Variants in GPATCH2 observed in about 807,000 individuals in gnomAD.
GPATCH2 encodes G-patch domain containing 2.
In GPATCH2, 51 loss-of-function variants were observed where a neutral mutation model predicts 58.0. The observed-to-expected ratio is 0.88, with a 90% confidence interval of 0.70 to 1.11. The LOEUF (loss-of-function observed/expected upper bound fraction) is 1.11, where lower values mean the gene tolerates loss of function less well. Ranked by LOEUF, GPATCH2 falls within the 50% of genes most tolerant of loss-of-function variation. The pLI is 0.00. For missense variants in GPATCH2, 625 were observed against 652.2 expected, an observed-to-expected ratio of 0.96 and a Z score of 0.45; for synonymous variants, 222 against 218.5, an observed-to-expected ratio of 1.02 and a Z score of -0.14.
At chr1:217,496,830 T>C (rs541484894) in intron 7 of GPATCH2, among the ~76,000 whole-genome samples, 3 of 152,282 alleles carry the variant, frequency 2.0e-5, no homozygotes, top group South Asian at 2.1e-4. Context: ...GTTGACTACA[T>C]AGAACATAAC....
chr1:217,569,452 TGGGAGGCTGAG>T (rs1260408052), intron 5 of GPATCH2, among the ~76,000 whole-genome samples: 3 of 152,018 alleles, frequency 2.0e-5, no homozygotes, highest in Non-Finnish European at 4.4e-5. Flanking sequence ...CACAGCACTT[TGGGAGGCTGAG>T]GCGGGCAGAT....
chr1:217,433,862 T>C (rs1270682723), intron 9 of GPATCH2, among the ~76,000 whole-genome samples: 3 of 152,248 alleles, frequency 2.0e-5, no homozygotes, highest in African/African-American at 7.2e-5. Context: ...TGATTCTCAC[T>C]TGTAGAACAA....
intron 5 of GPATCH2, among the ~76,000 whole-genome samples, chr1:217,587,460 A>G (rs576746311): frequency 1.1e-4 from 17 of 152,240 alleles, no homozygotes; most frequent in Admixed American, 1.1e-3. Flanking sequence ...TAAGATAGAA[A>G]GAGACTGGCA....
intron 5 of GPATCH2, among the ~76,000 whole-genome samples, chr1:217,591,972 A>C (rs1408559887): frequency 6.6e-6 from 1 of 151,246 alleles, no homozygotes. Flanking sequence ...GCAAGTCCAA[A>C]TGAGTAATAT....
intron 6 of GPATCH2, among the ~76,000 whole-genome samples, chr1:217,506,294 C>T (rs565223665): frequency 5.9e-5 from 9 of 152,092 alleles, no homozygotes; most frequent in South Asian, 4.1e-4. Flanking sequence ...TCTTCTATAC[C>T]GACAGTTTCC....
In GPATCH2 at chr1:217,561,454, G is replaced by A. The variant is rs541517282; in HGVS notation, c.1099-46565C>T. Among the ~76,000 whole-genome samples, 68 of 152,324 alleles carry A rather than the reference G, an allele frequency of 4.5e-4. 1 individual carries two copies. The highest frequency in any genetic ancestry group is 1.6e-3 in the African/African-American group (68 of 41,576). ...TTCAAGCAGCGAGAAGATGTATGAT[G>A]ACGTTTGTCATCGAGGTGTGTGTGT... On this transcript the variant is annotated intron_variant, in intron 5 of 9. Transcript: ENST00000366935.
intron 9 of GPATCH2, among the ~76,000 whole-genome samples, chr1:217,433,544 G>A (rs1025480047): frequency 6.6e-6 from 1 of 151,770 alleles, no homozygotes; most frequent in South Asian, 2.1e-4. Context: ...TTACAGGTGT[G>A]TGCCTTCACC....
chr1:217,599,976 A>T (rs1049392601), intron 5 of GPATCH2, among the ~76,000 whole-genome samples: 2 of 152,162 alleles, frequency 1.3e-5, no homozygotes, highest in African/African-American at 4.8e-5. Flanking sequence ...AAAACACCTC[A>T]AAAAAACCAA....
At chr1:217,467,942 G>A (rs966204236) in intron 8 of GPATCH2, among the ~76,000 whole-genome samples, 1 of 152,146 alleles carries the variant, frequency 6.6e-6, no homozygotes, top group African/African-American at 2.4e-5. Context: ...TCTCCCATTG[G>A]CCACAGATGG....
intron 5 of GPATCH2, among the ~76,000 whole-genome samples, chr1:217,583,441 C>T (rs971278208): frequency 9.9e-5 from 15 of 151,378 alleles, no homozygotes; most frequent in African/African-American, 3.6e-4. Context: ...GGTGGTGGCA[C>T]GTGCCTGTAA....
chr1:217,610,031 T>C, intron 5 of GPATCH2: 1 of 1,432,512 alleles, frequency 7.0e-7, no homozygotes, highest in Non-Finnish European at 9.1e-7. Flanking sequence ...AACAGCCCCA[T>C]CTTTTCATCA....
In GPATCH2 at chr1:217,427,427, A is replaced by T. The variant is rs1658378346; in HGVS notation, c.*3718T>A. 1.3e-5 allele frequency: 2 copies of T among 152,170 alleles called. No homozygotes were observed. The highest frequency in any genetic ancestry group is 2.9e-5 in the Non-Finnish European group (2 of 67,990). The allele number at this position is 152,170 out of a possible 1,614,324, so 9.4% of individuals were successfully genotyped here. ...TATTAAATGATAATTGTCAATGGGT[A>T]CTCATTTAAACCAATTTTTAAAGTA... On this transcript the variant is annotated 3_prime_UTR_variant, in exon 10 of 10. Transcript: ENST00000366935.
intron 5 of GPATCH2, among the ~76,000 whole-genome samples, chr1:217,564,881 G>A (rs116362427): frequency 0.015 from 2,292 of 152,124 alleles, 64 homozygotes; most frequent in African/African-American, 0.052. Context: ...AGATATCATA[G>A]TCTAAAAAAA....
intron 3 of GPATCH2, among the ~76,000 whole-genome samples, chr1:217,611,543 C>A (rs979621849): frequency 1.3e-5 from 2 of 152,032 alleles, no homozygotes; most frequent in African/African-American, 2.4e-5. Flanking sequence ...AAGTTACTAC[C>A]CCTTCCACGT....
intron 8 of GPATCH2, among the ~76,000 whole-genome samples, chr1:217,464,479 C>A (rs1305422845): frequency 3.3e-5 from 5 of 152,098 alleles, no homozygotes; most frequent in Admixed American, 6.5e-5. Context: ...TGAAAGATAC[C>A]AGTTTATAAA....
chr1:217,518,413 G>A (rs1296971019), intron 5 of GPATCH2, among the ~76,000 whole-genome samples: 2 of 152,034 alleles, frequency 1.3e-5, no homozygotes, highest in Admixed American at 1.3e-4. Context: ...CATATTAAAA[G>A]CATTTTCTTA....
At chr1:217,620,587 C>A in intron 1 of GPATCH2, 88 bp from the exon 2 acceptor site, 3 of 761,696 alleles carry the variant, frequency 3.9e-6, no homozygotes, top group South Asian at 1.9e-5. Context: ...ATTCTAAATT[C>A]GACAAAAATT....
At chr1:217,453,413 A>C (rs1659765518) in intron 8 of GPATCH2, among the ~76,000 whole-genome samples, 1 of 152,210 alleles carries the variant, frequency 6.6e-6, no homozygotes, top group Admixed American at 6.5e-5. Context: ...GGATAAAGAA[A>C]TGGTGCATTT....
intron 5 of GPATCH2, among the ~76,000 whole-genome samples, chr1:217,565,583 C>A (rs1462867701): frequency 6.6e-6 from 1 of 152,138 alleles, no homozygotes; most frequent in Non-Finnish European, 1.5e-5. Flanking sequence ...TTCATTGCTA[C>A]ATGGTTACTT....
Sources: allele counts gnomAD v4.1 joint callset (sites outside exome capture counted in the v4.1 genomes callset), GRCh38; gene constraint gnomAD v4.1.1; transcripts MANE v1.5; gene names NCBI Gene and HGNC (gene_info 2026-07-23, HGNC 2026-07-21).